The following P4HA2 variants were observed in gnomAD, a reference collection of about 807,000 sequenced individuals.
The protein encoded by P4HA2 is prolyl 4-hydroxylase subunit alpha-2.
A neutral mutation model predicts 76.9 loss-of-function variants in P4HA2; 46 were observed. The observed-to-expected ratio is 0.60, with a 90% CI of 0.47 to 0.76. P4HA2 has a LOEUF of 0.76. Among genes scored for constraint, P4HA2 ranks in the 30% least tolerant of loss-of-function variants. The pLI, the probability that P4HA2 is intolerant of heterozygous loss-of-function variation, is 0.00. For synonymous variants in P4HA2, 243 were observed against 254.0 expected, an observed-to-expected ratio of 0.96 and a Z score of 0.41; for missense variants, 583 against 669.4, an observed-to-expected ratio of 0.87 and a Z score of 1.42.
At chr5:132,193,995 C>G (rs978817286) in intron 14 of P4HA2, among the ~76,000 whole-genome samples, 5 of 152,160 alleles carry the variant, frequency 3.3e-5, no homozygotes, top group Admixed American at 2.0e-4. Context: ...GAACATTAAA[C>G]TCCTCTAGCT....
intron 8 of P4HA2, 39 bp from the exon 9 acceptor site, chr5:132,204,191 T>C (rs1751892209): frequency 1.3e-6 from 2 of 1,482,710 alleles, no homozygotes; most frequent in African/African-American, 1.4e-5. Context: ...GATTTGTTTG[T>C]TTGTTTGTTT....
intron 1 of P4HA2, among the ~76,000 whole-genome samples, chr5:132,226,273 C>A (rs1755384408): frequency 6.6e-6 from 1 of 152,170 alleles, no homozygotes; most frequent in South Asian, 2.1e-4. Flanking sequence ...AAGTCTGGGA[C>A]ATTTAAGAAT....
chr5:132,219,155 C>T (rs1464500676), intron 1 of P4HA2, among the ~76,000 whole-genome samples: 1 of 152,122 alleles, frequency 6.6e-6, no homozygotes, highest in Admixed American at 6.5e-5. Flanking sequence ...GTACCAACAC[C>T]CAAACTAAGG....
In P4HA2 at chr5:132,193,084, T is replaced by TGAAAAGAAAG; in HGVS notation, c.1532-14_1532-5dup. 6 of 1,608,650 alleles carry TGAAAAGAAAG rather than the reference T, an allele frequency of 3.7e-6. No homozygotes were observed. The Admixed American group carries it at 5.0e-5, about 13-fold the overall frequency. On this transcript the variant is annotated splice_region_variant and splice_polypyrimidine_tract_variant and intron_variant, in intron 14 of 14. Transcript: ENST00000360568. The stretch of plus-strand genomic sequence containing the variant: ...TCATGGAACCACTTATTGGAGACTG[T>TGAAAAGAAAG]GAAAAGAAAGCAAGCATGTTACAAT...
At chr5:132,223,194 A>G (rs1754870880) in intron 1 of P4HA2, among the ~76,000 whole-genome samples, 1 of 152,224 alleles carries the variant, frequency 6.6e-6, no homozygotes, top group South Asian at 2.1e-4. Context: ...TCATAGGGTA[A>G]CCAAGTACAT....
chr5:132,197,755 G>T (rs1333180687), intron 12 of P4HA2, among the ~76,000 whole-genome samples: 2 of 151,982 alleles, frequency 1.3e-5, no homozygotes, highest in East Asian at 3.9e-4. Flanking sequence ...AAATCACAGC[G>T]ACAGAAAGCA....
chr5:132,201,100 C>G (rs868570822), intron 10 of P4HA2: 1 of 152,012 alleles, frequency 6.6e-6, no homozygotes, highest in African/African-American at 2.4e-5. Context: ...TTTAGACTTA[C>G]TATTGTAAGA....
intron 11 of P4HA2, 97 bp from the exon 12 acceptor site, chr5:132,198,477 G>A (rs1424884312): frequency 7.1e-6 from 8 of 1,134,146 alleles, no homozygotes; most frequent in African/African-American, 1.5e-5. Flanking sequence ...TAATAAGTGT[G>A]TGTTCCATAA....
At chr5:132,196,603 G>A (rs1750677395) in intron 12 of P4HA2, among the ~76,000 whole-genome samples, 2 of 152,038 alleles carry the variant, frequency 1.3e-5, no homozygotes, top group Non-Finnish European at 2.9e-5. Flanking sequence ...GCTCACGCCT[G>A]TAATGCCAGC....
Position 132,207,663 on chromosome 5 carries a change from C to A in P4HA2, c.1080+45G>T, listed in dbSNP as rs747637198. On this transcript the variant is annotated intron_variant, in intron 8 of 14. Transcript: ENST00000360568. ...ATAGTGCTAGGGATGAGAAAAAGGA[C>A]CTTCCCCCTTCAGTGACCCGAGAAG... 7 of 1,556,466 alleles carry A rather than the reference C, an allele frequency of 4.5e-6. No homozygotes were observed. In the South Asian group the frequency reaches 6.8e-5, roughly 15 times the overall value.
chr5:132,197,867 G>C (rs985770888), intron 12 of P4HA2: 3 of 272,474 alleles, frequency 1.1e-5, no homozygotes, highest in Admixed American at 1.3e-4. Flanking sequence ...ATGAATGGTG[G>C]TGATGCTTGC....
At position 132,203,747 on chromosome 5, in the gene P4HA2, C is replaced by A. The variant is rs904016015; in HGVS notation, c.1251+1G>T. The A allele has an allele frequency of 6.3e-7, 1 of 1,579,176 alleles. No homozygotes were observed. Among genetic ancestry groups the A allele is most frequent in the African/African-American group, 1.3e-5 (1 of 74,308 alleles). ...CCTACAGTCCCAGGTACTATCTGTACCTGTAACAATTCTGCAGTCTTTACT... is the reference window on the plus strand; with the variant it reads ...CCTACAGTCCCAGGTACTATCTGTAACTGTAACAATTCTGCAGTCTTTACT... On this transcript the variant is annotated splice_donor_variant, in intron 10 of 14. Coordinates refer to ENST00000360568, the MANE Select transcript of P4HA2 (RefSeq NM_001017974.2). LOFTEE classifies it high-confidence loss of function.
At chr5:132,200,413 A>G in intron 10 of P4HA2, 1 of 162,326 alleles carries the variant, frequency 6.2e-6, no homozygotes, top group Non-Finnish European at 1.5e-5. Context: ...AAATCCTGTC[A>G]ACAGCACAAG....
intron 4 of P4HA2, 141 bp downstream of exon 4, chr5:132,217,056 A>T: frequency 1.5e-6 from 1 of 655,910 alleles, no homozygotes; most frequent in Non-Finnish European, 2.5e-6. Context: ...GAAGGGAGAG[A>T]GCCATGAGAC....
intron 8 of P4HA2, among the ~76,000 whole-genome samples, chr5:132,205,560 G>C (rs1173707110): frequency 6.6e-6 from 1 of 152,196 alleles, no homozygotes; most frequent in African/African-American, 2.4e-5. Context: ...AGGCTAGTGA[G>C]GCCACGACAG....
At chr5:132,222,772 A>C (rs1182102012) in intron 1 of P4HA2, among the ~76,000 whole-genome samples, 1 of 152,260 alleles carries the variant, frequency 6.6e-6, no homozygotes, top group African/African-American at 2.4e-5. Context: ...AGTCTGGTAC[A>C]TGAATAGTGG....
At position 132,207,720 on chromosome 5, in the gene P4HA2, G is replaced by A. The variant is rs143480300; in HGVS notation, c.1068C>T (p.Ile356=). The change falls in exon 8 of 15, where the codon ATC becomes ATT. Residue 356 remains isoleucine (I), a synonymous_variant. Coordinates refer to ENST00000360568, the MANE Select transcript of P4HA2 (RefSeq NM_001017974.2). ...SDEEIERIKE[I]AKPKLARATV... is the part of the protein sequence containing the mutation. ...CAGTGACACCTACTTTAGGTTTTGCGATCTCCTTGATCCTCTCGATTTCCT... is the reference window on the plus strand; with the variant it reads ...CAGTGACACCTACTTTAGGTTTTGCAATCTCCTTGATCCTCTCGATTTCCT... 1.3e-4 allele frequency: 215 copies of A among 1,613,544 alleles called. No individual in the cohort carries two copies. The highest frequency in any genetic ancestry group is 1.6e-4 in the Non-Finnish European group (187 of 1,179,758).
chr5:132,205,220 G>A lies in P4HA2; in HGVS notation c.1081-1068C>T, dbSNP rs113658952. Among the ~76,000 whole-genome samples the A allele has an allele frequency of 2.7e-3, 413 of 152,288 alleles. 3 individuals are homozygous for A. The highest frequency in any genetic ancestry group is 9.1e-3 in the African/African-American group (380 of 41,548). On this transcript the variant is annotated intron_variant, in intron 8 of 14. Transcript: ENST00000360568. ...GTATAGTGTCAAGAATAGCTTCCTA[G>A]GGGAGGAGACCACCTAGCTGAGGCC... is the stretch of plus-strand genomic sequence containing the variant.
At position 132,225,849 on chromosome 5, in the gene P4HA2, G is replaced by T. The variant is rs56085246; in HGVS notation, c.-19+1941C>A. Among the ~76,000 whole-genome samples, 543 of 152,318 alleles carry T rather than the reference G, an allele frequency of 3.6e-3. 7 individuals are homozygous for T. Among genetic ancestry groups the T allele is most frequent in the African/African-American group, 0.012 (505 of 41,574 alleles). On this transcript the variant is annotated intron_variant, in intron 1 of 14. Coordinates refer to ENST00000360568, the MANE Select transcript of P4HA2 (RefSeq NM_001017974.2). ...AATGCCTCAGCTAAGCTGTCACCAAGTCTGCCTGCTGAGCTCTCAGAGAAC... is the reference window on the plus strand; with the variant it reads ...AATGCCTCAGCTAAGCTGTCACCAATTCTGCCTGCTGAGCTCTCAGAGAAC...
Sources: gnomAD v4.1 joint callset for allele counts (sites outside exome capture counted in the v4.1 genomes callset) on GRCh38, gnomAD v4.1.1 for gene constraint, MANE v1.5 for transcripts, NCBI Gene and HGNC (gene_info 2026-07-23, HGNC 2026-07-21) for gene names.